Variants in KIRREL1 observed in about 807,000 individuals in gnomAD.
KIRREL1 encodes the protein kin of IRRE-like protein 1.
A neutral mutation model predicts 83.3 loss-of-function variants in KIRREL1; 25 were observed. That is an observed-to-expected ratio of 0.30 (90% CI 0.22 to 0.42). KIRREL1 has a LOEUF of 0.42. KIRREL1 is among the 10% of genes least tolerant of loss of function. The pLI is 1.00. For missense variants in KIRREL1, 812 were observed against 1,032.3 expected (o/e 0.79, Z 2.92); for synonymous variants, 388 against 410.4 (o/e 0.95, Z 0.66).
intron 1 of KIRREL1, among the ~76,000 whole-genome samples, chr1:158,022,005 G>C (rs970767983): frequency 4.1e-4 from 63 of 152,142 alleles, no homozygotes; most frequent in African/African-American, 1.5e-3. Context: ...GATTGTAAGG[G>C]GAGAAAGAAA....
chr1:158,084,661 C>G, intron 4 of KIRREL1, 82 bp downstream of exon 4: 1 of 1,414,578 alleles, frequency 7.1e-7, no homozygotes, highest in Non-Finnish European at 9.6e-7. Context: ...TCACCACAGA[C>G]TCAGGAGCAC....
intron 1 of KIRREL1, among the ~76,000 whole-genome samples, chr1:158,010,989 A>T (rs1209295530): frequency 6.6e-6 from 1 of 152,152 alleles, no homozygotes; most frequent in African/African-American, 2.4e-5. Flanking sequence ...TCAGAGGCTG[A>T]CCAGAGCTGA....
chr1:158,069,444 A>G (rs1240446733), intron 1 of KIRREL1, among the ~76,000 whole-genome samples: 1 of 152,058 alleles, frequency 6.6e-6, no homozygotes, highest in Non-Finnish European at 1.5e-5. Context: ...CGGTCTTTGC[A>G]GGAGCAGGAA....
At chr1:158,067,453 C>T (rs1558009056) in intron 1 of KIRREL1, among the ~76,000 whole-genome samples, 2 of 152,194 alleles carry the variant, frequency 1.3e-5, no homozygotes, top group South Asian at 4.1e-4. Flanking sequence ...ACTAGTTCCT[C>T]CCAGCAGTCG....
chr1:158,095,062 C>G lies in KIRREL1; in HGVS notation c.2216C>G (p.Thr739Ser), dbSNP rs1461386888. The G allele has an allele frequency of 1.9e-6, 3 of 1,612,706 alleles. No individual in the cohort carries two copies. Among genetic ancestry groups the G allele is most frequent in the Middle Eastern group, 1.7e-4 (1 of 6,054 alleles). ...KYATATRFSY[T>S]SQHSDYGQRF... Reference sequence around the variant, plus strand: ...GCCACAGCCACTCGATTCTCCTACACCTCCCAGCACTCGGACTACGGCCAG... The same window carrying G: ...GCCACAGCCACTCGATTCTCCTACAGCTCCCAGCACTCGGACTACGGCCAG... Residue 739 changes from threonine to serine, a missense_variant, in exon 15 of 15, where the codon ACC (threonine) becomes AGC (serine). Physicochemically the swap from Thr to Ser is moderately conservative, Grantham distance 58 (BLOSUM62 1). This residue lies in a region of KIRREL1 where 334 missense variants were observed against 383.7 expected (regional missense o/e 0.87). Coordinates refer to ENST00000359209, the MANE Select transcript of KIRREL1 (RefSeq NM_018240.7).
intron 1 of KIRREL1, among the ~76,000 whole-genome samples, chr1:158,019,016 C>T (rs548366000): frequency 1.3e-5 from 2 of 152,312 alleles, no homozygotes; most frequent in African/African-American, 2.4e-5. Flanking sequence ...TTCCTGTTCC[C>T]GTTTCTCTGG....
intron 1 of KIRREL1, among the ~76,000 whole-genome samples, chr1:158,073,450 C>T (rs937924801): frequency 1.3e-5 from 2 of 152,200 alleles, no homozygotes; most frequent in South Asian, 4.1e-4. Flanking sequence ...GACTGTACCA[C>T]GCATAGCATA....
chr1:158,012,572 T>G (rs1659717970), intron 1 of KIRREL1, among the ~76,000 whole-genome samples: 1 of 152,170 alleles, frequency 6.6e-6, no homozygotes, highest in African/African-American at 2.4e-5. Context: ...GAGTCCTGGA[T>G]TTGTAATCAG....
At chr1:158,060,553 G>T (rs1011286047) in intron 1 of KIRREL1, among the ~76,000 whole-genome samples, 1 of 151,862 alleles carries the variant, frequency 6.6e-6, no homozygotes, top group Non-Finnish European at 1.5e-5. Flanking sequence ...TTTCTGCTGC[G>T]CCTTCCTCCT....
At chr1:158,081,016 T>A (rs1166990246) in intron 3 of KIRREL1, among the ~76,000 whole-genome samples, 1 of 143,218 alleles carries the variant, frequency 7.0e-6, no homozygotes, top group African/African-American at 2.5e-5. Flanking sequence ...TCCCCAGCCA[T>A]CCCCCTCAGC....
intron 1 of KIRREL1, among the ~76,000 whole-genome samples, chr1:157,995,526 T>C (rs137875357): frequency 1.7e-4 from 26 of 152,156 alleles, no homozygotes; most frequent in Non-Finnish European, 2.9e-4. Context: ...AGGAGGCCCC[T>C]GGGTCAGTAT....
At chr1:158,089,862 C>T (rs369737138) in intron 10 of KIRREL1, 44 bp downstream of exon 10, 2 of 1,554,568 alleles carry the variant, frequency 1.3e-6, no homozygotes, top group African/African-American at 2.7e-5. Context: ...CTCCCTGCTT[C>T]TTTGCCCAGG....
chr1:158,091,585 G>A lies in KIRREL1; in HGVS notation c.1471+29G>A, dbSNP rs369925970. The A allele has an allele frequency of 8.7e-6, 14 of 1,608,102 alleles. No homozygotes were observed. The Admixed American group carries it at 2.3e-4, about 27-fold the overall frequency. ...ACTGGTAGTGCTGCCTGCCAGCTGG[G>A]GTGCAGAGCAGCCTGAGGATTCTGC... On this transcript the variant is annotated intron_variant, in intron 11 of 14. Coordinates refer to ENST00000359209, the MANE Select transcript of KIRREL1 (RefSeq NM_018240.7).
At position 158,096,752 on chromosome 1, in the gene KIRREL1, C is replaced by T. The variant is rs200235264; in HGVS notation, c.*1632C>T. 229 of 456,730 alleles carry T rather than the reference C, an allele frequency of 5.0e-4. 1 individual carries two copies. Among genetic ancestry groups the T allele is most frequent in the Non-Finnish European group, 8.7e-4 (198 of 226,976 alleles). 28.3% of individuals were successfully genotyped at this position (456,730 alleles called of 1,614,324 possible). A position where few individuals can be genotyped will look rare whatever the true frequency, so the allele number is the denominator to read the frequency against. ...CTCCAAGGAGAACCTGTACCCCTGC[C>T]CCAGCCTCGCCTTCCTAAAAAGCAG... On this transcript the variant is annotated 3_prime_UTR_variant, in exon 15 of 15. Transcript: ENST00000359209.
chr1:158,022,858 C>G (rs930666179), intron 1 of KIRREL1, among the ~76,000 whole-genome samples: 1 of 152,198 alleles, frequency 6.6e-6, no homozygotes, highest in South Asian at 2.1e-4. Flanking sequence ...GCCTCTTCCT[C>G]CCACACACCT....
intron 1 of KIRREL1, among the ~76,000 whole-genome samples, chr1:158,020,600 C>CAGAAAAAAAAAAA (rs1659978208): frequency 1.2e-5 from 1 of 83,676 alleles, no homozygotes; most frequent in Non-Finnish European, 2.1e-5. Flanking sequence ...TACAGTAAAT[C>CAGAAAAAAAAAAA]AAAAAAAAAA....
At chr1:158,048,741 A>C (rs1660840052) in intron 1 of KIRREL1, among the ~76,000 whole-genome samples, 1 of 152,252 alleles carries the variant, frequency 6.6e-6, no homozygotes, top group African/African-American at 2.4e-5. Flanking sequence ...CACCTGTTAC[A>C]GTAAATACAT....
At chr1:158,037,397 G>T (rs574227783) in intron 1 of KIRREL1, among the ~76,000 whole-genome samples, 1 of 150,850 alleles carries the variant, frequency 6.6e-6, no homozygotes, top group African/African-American at 2.4e-5. Flanking sequence ...GGAGGCTGAC[G>T]CAGGAGAATC....
chr1:158,065,494 A>C (rs903202513), intron 1 of KIRREL1, among the ~76,000 whole-genome samples: 5 of 152,214 alleles, frequency 3.3e-5, no homozygotes, highest in African/African-American at 9.6e-5. Flanking sequence ...CTGCCCAGGA[A>C]AAGGCAGGAT....
Sources: allele counts gnomAD v4.1 joint callset (sites outside exome capture counted in the v4.1 genomes callset), GRCh38; gene constraint gnomAD v4.1.1; regional missense constraint gnomAD v4.1.1; transcripts MANE v1.5; gene names NCBI Gene and HGNC (gene_info 2026-07-23, HGNC 2026-07-21).